TNS3: variants seen among roughly 807,000 people sequenced by gnomAD.
TNS3 encodes the protein tensin-3.
A neutral mutation model predicts 140.9 loss-of-function variants in TNS3; 45 were observed. That is an observed-to-expected ratio of 0.32 (90% CI 0.25 to 0.41). TNS3 has a LOEUF of 0.41. Ranked by LOEUF, TNS3 falls within the 10% of genes least tolerant of loss-of-function variation. TNS3 has a pLI of 1.00. For synonymous variants in TNS3, 815 were observed against 788.4 expected, an observed-to-expected ratio of 1.03 and a Z score of -0.56; for missense variants, 1,716 against 1,906.7, an observed-to-expected ratio of 0.90 and a Z score of 1.86.
intron 1 of TNS3, among the ~76,000 whole-genome samples, chr7:47,531,877 G>A (rs1035009218): frequency 6.6e-6 from 1 of 152,182 alleles, no homozygotes; most frequent in South Asian, 2.1e-4. Context: ...CCAGGAGCAG[G>A]CAGGATCTGC....
chr7:47,397,435 G>A lies in TNS3; in HGVS notation c.920-531C>T, dbSNP rs145299625. 2.1e-3 allele frequency among the ~76,000 whole-genome samples: 327 copies of A among 152,348 alleles called. 1 individual carries two copies. The highest frequency in any genetic ancestry group is 3.4e-3 in the Non-Finnish European group (232 of 68,030). On this transcript the variant is annotated intron_variant, in intron 15 of 30. Transcript: ENST00000311160. ...AAAGGGAAACAAAACTCCCATGCAT[G>A]TGGATCTTGGTGATGGATCTGGACA...
At chr7:47,368,284 C>A in intron 17 of TNS3, 81 bp downstream of exon 17, 1 of 1,350,658 alleles carries the variant, frequency 7.4e-7, no homozygotes, top group Non-Finnish European at 9.6e-7. Context: ...AAAAGCTAAC[C>A]TACTAGGCTG....
intron 11 of TNS3, among the ~76,000 whole-genome samples, chr7:47,414,423 T>C (rs1793960376): frequency 6.6e-6 from 1 of 152,144 alleles, no homozygotes; most frequent in Admixed American, 6.5e-5. Flanking sequence ...TGTGCCTGCA[T>C]AGGACTGGGA....
chr7:47,532,023 C>A (rs1345559914), intron 1 of TNS3, among the ~76,000 whole-genome samples: 1 of 152,054 alleles, frequency 6.6e-6, no homozygotes, highest in Non-Finnish European at 1.5e-5. Flanking sequence ...GGCACAGCAC[C>A]CAGGCATCTC....
chr7:47,521,151 C>T (rs1204970104), intron 2 of TNS3, among the ~76,000 whole-genome samples: 1 of 152,166 alleles, frequency 6.6e-6, no homozygotes, highest in Non-Finnish European at 1.5e-5. Context: ...ATGATCAGAA[C>T]ACAGCAGTTC....
intron 2 of TNS3, among the ~76,000 whole-genome samples, chr7:47,519,701 G>A (rs954393944): frequency 6.6e-6 from 1 of 152,168 alleles, no homozygotes; most frequent in African/African-American, 2.4e-5. Context: ...CTGGAGGGGC[G>A]AGGGTGATAG....
At chr7:47,370,549 G>A (rs897578215) in intron 16 of TNS3, among the ~76,000 whole-genome samples, 1 of 152,200 alleles carries the variant, frequency 6.6e-6, no homozygotes, top group Non-Finnish European at 1.5e-5. Context: ...TATTAATCAC[G>A]GCCATGGCTC....
At chr7:47,496,294 C>A (rs934371454) in intron 3 of TNS3, among the ~76,000 whole-genome samples, 2 of 152,174 alleles carry the variant, frequency 1.3e-5, no homozygotes, top group African/African-American at 4.8e-5. Flanking sequence ...TAGAAAGGGG[C>A]CAAGGGCTCC....
chr7:47,525,976 A>G (rs1414326146), intron 2 of TNS3, among the ~76,000 whole-genome samples: 5 of 152,228 alleles, frequency 3.3e-5, no homozygotes, highest in African/African-American at 9.6e-5. Flanking sequence ...AGGAAGAGAC[A>G]CAAGTCCCAA....
chr7:47,462,027 G>T (rs1360508960), intron 4 of TNS3, among the ~76,000 whole-genome samples: 4 of 152,172 alleles, frequency 2.6e-5, no homozygotes, highest in Admixed American at 1.3e-4. Flanking sequence ...TCAAAGACAG[G>T]GTGGGATGGT....
chr7:47,286,656 G>A (rs1214700435), intron 27 of TNS3, among the ~76,000 whole-genome samples: 2 of 152,110 alleles, frequency 1.3e-5, no homozygotes, highest in Non-Finnish European at 2.9e-5. Context: ...GCCCACATGT[G>A]GGAATTTGTC....
rs1784840717 is a variant in TNS3 at position 47,275,646 on chromosome 7, A to C, written c.*2430T>G. ...AGCTTGTTCTGTTTAATGCACATGT[A>C]ACACAAAAGGAAGAAAGAAACTTCC... is the stretch of plus-strand genomic sequence containing the variant. On this transcript the variant is annotated 3_prime_UTR_variant, in exon 31 of 31. Coordinates refer to ENST00000311160, the MANE Select transcript of TNS3 (RefSeq NM_022748.12). 2.7e-6 allele frequency: 1 copy of C among 374,140 alleles called. No homozygotes were observed. The highest frequency in any genetic ancestry group is 2.0e-5 in the South Asian group (1 of 49,660). The allele number at this position is 374,140 out of a possible 1,614,324, so 23.2% of individuals were successfully genotyped here.
Position 47,278,010 on chromosome 7 carries a change from C to G in TNS3, c.*66G>C. 1.2e-6 allele frequency: 2 copies of G among 1,609,174 alleles called. No homozygotes were observed. The highest frequency in any genetic ancestry group is 1.7e-6 in the Non-Finnish European group (2 of 1,176,736). On this transcript the variant is annotated 3_prime_UTR_variant, in exon 31 of 31. Coordinates refer to ENST00000311160, the MANE Select transcript of TNS3 (RefSeq NM_022748.12). ...GTTTGGTAAAAAGTGGGGGCCCCACCCTCACCCAACGGCTGTCTCCAGGGC... is the reference window on the plus strand; with the variant it reads ...GTTTGGTAAAAAGTGGGGGCCCCACGCTCACCCAACGGCTGTCTCCAGGGC...
rs761672908 is a variant in TNS3, at chr7:47,530,862, T to C, written c.-264-1715A>G. Among the ~76,000 whole-genome samples, 52 of 137,438 alleles carry C rather than the reference T, an allele frequency of 3.8e-4. 1 individual carries two copies. Among genetic ancestry groups the C allele is most frequent in the Admixed American group, 6.9e-4 (9 of 13,100 alleles). The allele number at this position is 137,438 out of a possible 152,430, so 90.2% of individuals were successfully genotyped here. ...AAATATATATATATATATATATTTC[T>C]AGCACAAGAAATGTGACAGGAACTA... is the stretch of plus-strand genomic sequence containing the variant. On this transcript the variant is annotated intron_variant, in intron 1 of 30. Coordinates refer to ENST00000311160, the MANE Select transcript of TNS3 (RefSeq NM_022748.12).
intron 1 of TNS3, among the ~76,000 whole-genome samples, chr7:47,574,800 G>T (rs1018154183): frequency 6.6e-6 from 1 of 152,110 alleles, no homozygotes; most frequent in Admixed American, 6.6e-5. Context: ...TGAGGCACCC[G>T]ATGTAGTCCG....
Position 47,303,130 on chromosome 7 carries a change from G to C in TNS3, c.3277C>G (p.Pro1093Ala), listed in dbSNP as rs1437426685. 2 of 1,613,926 alleles carry C rather than the reference G, an allele frequency of 1.2e-6. No homozygotes were observed. Among genetic ancestry groups the C allele is most frequent in the Non-Finnish European group, 1.7e-6 (2 of 1,179,904 alleles). Residue 1093 changes from proline to alanine, a missense_variant, in exon 22 of 31, where the codon CCC (proline) becomes GCC (alanine). Transcript: ENST00000311160. The stretch of plus-strand genomic sequence containing the variant: ...TTCTCAGGGAGGGGTGGCTGCCCGG[G>C]CAGGGTCACACCCTGGCCCTGCAGG... Reference protein sequence around the residue: ...PGLQGQGVTLPGQPPLPEKKR... With the variant: ...PGLQGQGVTLAGQPPLPEKKR...
intron 3 of TNS3, among the ~76,000 whole-genome samples, chr7:47,493,187 G>C (rs1177400425): frequency 1.3e-5 from 2 of 152,194 alleles, no homozygotes; most frequent in Non-Finnish European, 2.9e-5. Context: ...GTGGTCATCC[G>C]TAAAGAAAAG....
chr7:47,297,051 T>C, intron 24 of TNS3, 31 bp downstream of exon 24: 4 of 1,613,238 alleles, frequency 2.5e-6, no homozygotes, highest in East Asian at 2.2e-5. Flanking sequence ...GTGGATGAGC[T>C]GAACAGATCA....
intron 3 of TNS3, among the ~76,000 whole-genome samples, chr7:47,483,232 C>T (rs763023451): frequency 2.0e-5 from 3 of 151,124 alleles, no homozygotes; most frequent in African/African-American, 4.9e-5. Context: ...TGCAGTGGCA[C>T]GATCTTGGCT....
Sources: gnomAD v4.1 joint callset for allele counts (sites outside exome capture counted in the v4.1 genomes callset) on GRCh38, gnomAD v4.1.1 for gene constraint, MANE v1.5 for transcripts, NCBI Gene and HGNC (gene_info 2026-07-23, HGNC 2026-07-21) for gene names.